ARHGEF1: variants seen among roughly 807,000 people sequenced by gnomAD.
The protein encoded by ARHGEF1 is 115 kDa guanine nucleotide exchange factor.
A neutral mutation model predicts 119.7 loss-of-function variants in ARHGEF1; 40 were observed. That is an observed-to-expected ratio of 0.33 (90% CI 0.26 to 0.44). The LOEUF (loss-of-function observed/expected upper bound fraction) is 0.44, where lower values mean the gene tolerates loss of function less well. Among genes scored for constraint, ARHGEF1 ranks in the 20% least tolerant of loss-of-function variants. The pLI, the probability that ARHGEF1 is intolerant of heterozygous loss-of-function variation, is 1.00. For synonymous variants in ARHGEF1, 494 were observed against 521.0 expected (o/e 0.95, Z 0.71); for missense variants, 976 against 1,268.3 (o/e 0.77, Z 3.50).
intron 1 of ARHGEF1, among the ~76,000 whole-genome samples, chr19:41,887,112 T>C (rs2074305041): frequency 6.6e-6 from 1 of 151,346 alleles, no homozygotes; most frequent in African/African-American, 2.4e-5. Context: ...AAACCAGATG[T>C]GGGAGGACAG....
At chr19:41,894,852 G>A (rs1190641493) in intron 11 of ARHGEF1, among the ~76,000 whole-genome samples, 191 bp downstream of exon 11, 1 of 145,128 alleles carries the variant, frequency 6.9e-6, no homozygotes, top group Non-Finnish European at 1.5e-5. Flanking sequence ...GAGGGAGGAA[G>A]GGCTGGGCCT....
At position 41,906,687 on chromosome 19, in the gene ARHGEF1, A is replaced by G. The variant is rs1555850303; in HGVS notation, c.2656-16A>G. On this transcript the variant is annotated splice_polypyrimidine_tract_variant and intron_variant, in intron 27 of 28. Coordinates refer to ENST00000354532, the MANE Select transcript of ARHGEF1 (RefSeq NM_004706.4). This position sits in a 1 kb window ranked among gnomAD's most constrained non-coding sequence, Gnocchi z 4.5. Reference sequence around the variant, plus strand: ...AAGGAAGGGGCCCCCCTCATCCATGACCCCCACCCCACCAGGAGTTGGAGG... The same window carrying G: ...AAGGAAGGGGCCCCCCTCATCCATGGCCCCCACCCCACCAGGAGTTGGAGG... The G allele has an allele frequency of 1.2e-6, 2 of 1,601,094 alleles. No homozygotes were observed. Among genetic ancestry groups the G allele is most frequent in the South Asian group, 2.2e-5 (2 of 89,866 alleles).
chr19:41,921,304 G>A (rs2074841029), upstream of ARHGEF1, among the ~76,000 whole-genome samples: 1 of 152,186 alleles, frequency 6.6e-6, no homozygotes, highest in African/African-American at 2.4e-5. This position sits in a 1 kb window ranked among gnomAD's most constrained non-coding sequence, Gnocchi z 4.4. Flanking sequence ...GACCGAGGGG[G>A]TGGAGCGTGA....
upstream of ARHGEF1, among the ~76,000 whole-genome samples, chr19:41,918,818 C>T (rs1373690719): frequency 6.7e-6 from 1 of 150,088 alleles, no homozygotes; most frequent in East Asian, 2.0e-4. Flanking sequence ...CACCACATCA[C>T]TCTCACATAC....
rs2074647742 is a variant in ARHGEF1 at position 41,903,952 on chromosome 19, G to A, written c.1918-83G>A. The A allele has an allele frequency of 6.9e-7, 1 of 1,452,028 alleles. No homozygotes were observed. The highest frequency in any genetic ancestry group is 1.4e-5 in the African/African-American group (1 of 71,696). 89.9% of individuals were successfully genotyped at this position (1,452,028 alleles called of 1,614,324 possible). Reference sequence around the variant, plus strand: ...GATCCCCAGCCTGTGGTCATCCCCGGCCACTGCCCTGCCCTTCCCCTCCCC... The same window carrying A: ...GATCCCCAGCCTGTGGTCATCCCCGACCACTGCCCTGCCCTTCCCCTCCCC... On this transcript the variant is annotated intron_variant, in intron 20 of 28. Coordinates refer to ENST00000354532, the MANE Select transcript of ARHGEF1 (RefSeq NM_004706.4). This position sits in a 1 kb window ranked among gnomAD's most constrained non-coding sequence, Gnocchi z 4.2.
chr19:41,906,349 C>A lies in ARHGEF1; in HGVS notation c.2492-108C>A. ...ACCCCATCTGCTCAGCCTTGCCTGGCACCCACCTTCACCTCCAGCCCCTAC... is the reference window on the plus strand; with the variant it reads ...ACCCCATCTGCTCAGCCTTGCCTGGAACCCACCTTCACCTCCAGCCCCTAC... On this transcript the variant is annotated intron_variant, in intron 26 of 28. Transcript: ENST00000354532. The surrounding 1 kb of genome is among the most constrained non-coding windows in gnomAD (Gnocchi z 4.5). 3.4e-6 allele frequency: 4 copies of A among 1,163,924 alleles called. No homozygotes were observed. The highest frequency in any genetic ancestry group is 3.2e-5 in the South Asian group (2 of 62,026). 72.1% of individuals were successfully genotyped at this position (1,163,924 alleles called of 1,614,324 possible).
In ARHGEF1 at chr19:41,902,220, C is replaced by G. The variant is rs1267251988; in HGVS notation, c.1415-54C>G. ...ACCCCCACCACACCGCAGCAGGCCCCGCACAGCATCTTCCAGACCCTGGTG... is the reference window on the plus strand; with the variant it reads ...ACCCCCACCACACCGCAGCAGGCCCGGCACAGCATCTTCCAGACCCTGGTG... On this transcript the variant is annotated intron_variant, in intron 15 of 28. Coordinates refer to ENST00000354532, the MANE Select transcript of ARHGEF1 (RefSeq NM_004706.4). This position sits in a 1 kb window ranked among gnomAD's most constrained non-coding sequence, Gnocchi z 6.5. 55 of 1,607,006 alleles carry G rather than the reference C, an allele frequency of 3.4e-5. No homozygotes were observed. In the Admixed American group the frequency reaches 9.0e-4, roughly 26 times the overall value.
upstream of ARHGEF1, among the ~76,000 whole-genome samples, chr19:41,919,349 C>T (rs558995586): frequency 2.8e-4 from 43 of 152,298 alleles, no homozygotes; most frequent in Non-Finnish European, 5.1e-4. Flanking sequence ...AACAGCCACA[C>T]ATAAACATGC....
chr19:41,887,895 C>A (rs1034122802), intron 1 of ARHGEF1, among the ~76,000 whole-genome samples, 169 bp from the exon 2 acceptor site: 1 of 152,252 alleles, frequency 6.6e-6, no homozygotes, highest in Non-Finnish European at 1.5e-5. Context: ...CGCCCCCTGG[C>A]GGGTCTCTGA....
Position 41,902,582 on chromosome 19 carries a change from G to A in ARHGEF1, c.1547G>A (p.Cys516Tyr). Reference sequence around the variant, plus strand: ...TTCCAGAAAATCTCCTCCCGCTTCTGCAGCCGCCAGTCATTTGCCTTAGAG... The same window carrying A: ...TTCCAGAAAATCTCCTCCCGCTTCTACAGCCGCCAGTCATTTGCCTTAGAG... ...SWFQKISSRFCSRQSFALEQL... is the reference protein window; with the variant it reads ...SWFQKISSRFYSRQSFALEQL... Residue 516 changes from cysteine to tyrosine, a missense_variant, in exon 17 of 29, where the codon TGC (cysteine) becomes TAC (tyrosine). Cys to Tyr is a radical substitution (Grantham distance 194, BLOSUM62 -2). Around this residue, in one of 3 missense-constraint regions of ARHGEF1, gnomAD observed 286 missense variants for 506.8 expected, o/e 0.56. Transcript: ENST00000354532. The surrounding 1 kb of genome is among the most constrained non-coding windows in gnomAD (Gnocchi z 6.5). 1 of 1,614,212 alleles carries A rather than the reference G, an allele frequency of 6.2e-7. No homozygotes were observed. Among genetic ancestry groups the A allele is most frequent in the South Asian group, 1.1e-5 (1 of 91,084 alleles).
intron 13 of ARHGEF1, chr19:41,897,146 C>T (rs782202957): frequency 4.2e-5 from 20 of 480,920 alleles, no homozygotes; most frequent in South Asian, 2.7e-4. Flanking sequence ...CTCAACCCCC[C>T]ACCCCTCTGC....
Position 41,905,253 on chromosome 19 carries a change from C to A in ARHGEF1, c.2328C>A (p.Ser776Arg). ...CCTCTCGCCCTAAGCCCCGGCCCAG[C>A]CCGAGCAGGTGAGGGGGGCCATGGA... ...APASRPKPRP[S>R]PSSTREPLLS... Residue 776 changes from serine to arginine, a missense_variant, in exon 24 of 29, where the codon AGC becomes AGA. This residue lies in a region of ARHGEF1 where 171 missense variants were observed against 180.6 expected (regional missense o/e 0.95). Transcript: ENST00000354532. The surrounding 1 kb of genome is among the most constrained non-coding windows in gnomAD (Gnocchi z 6.4). 6.2e-7 allele frequency: 1 copy of A among 1,613,044 alleles called. No individual in the cohort carries two copies. The highest frequency in any genetic ancestry group is 2.2e-5 in the East Asian group (1 of 44,846).
rs2074811737 is a variant in ARHGEF1, at chr19:41,917,917, TCA to T, written c.1866-5169_1866-5168del. ...GGTGCACGAAGCCAGCTCCCCGCGG[TCA>T]CACACTGTGTGTGTGTGTGCTCACA... On this transcript the variant is annotated intron_variant, in intron 18 of 20. Coordinates refer to the ARHGEF1 transcript ENST00000599589. The surrounding 1 kb of genome is among the most constrained non-coding windows in gnomAD (Gnocchi z 4.8). Among the ~76,000 whole-genome samples, 1 of 151,762 alleles carries T rather than the reference TCA, an allele frequency of 6.6e-6. No homozygotes were observed. The highest frequency in any genetic ancestry group is 2.1e-4 in the South Asian group (1 of 4,808).
In ARHGEF1 at chr19:41,904,188, C is replaced by T. The variant is rs375612479; in HGVS notation, c.1994-28C>T. 41 of 1,612,426 alleles carry T rather than the reference C, an allele frequency of 2.5e-5. No homozygotes were observed. The highest frequency in any genetic ancestry group is 3.3e-5 in the Admixed American group (2 of 59,944). On this transcript the variant is annotated intron_variant, in intron 21 of 28. Coordinates refer to ENST00000354532, the MANE Select transcript of ARHGEF1 (RefSeq NM_004706.4). The surrounding 1 kb of genome is among the most constrained non-coding windows in gnomAD (Gnocchi z 8.4). ...GCGGGGAGGGGGTCGCGCGGGGGCA[C>T]GCCGTGTGAGCACTGCTCGCCCCGT...
At chr19:41,909,290 G>A, downstream of ARHGEF1, 1 of 1,233,588 alleles carries the variant, frequency 8.1e-7, no homozygotes, top group Non-Finnish European at 1.0e-6. This position sits in a 1 kb window ranked among gnomAD's most constrained non-coding sequence, Gnocchi z 5.2. Flanking sequence ...GGGGTGAGGG[G>A]AGGAGCATCT....
chr19:41,921,165 G>A (rs931311656), upstream of ARHGEF1, among the ~76,000 whole-genome samples: 2 of 152,192 alleles, frequency 1.3e-5, no homozygotes, highest in Non-Finnish European at 2.9e-5. The surrounding 1 kb of genome is among the most constrained non-coding windows in gnomAD (Gnocchi z 4.4). Context: ...GAGGCGAGGC[G>A]GAGGGAGGTC....
chr19:41,915,205 G>A lies in ARHGEF1; in HGVS notation c.1866-7887G>A, dbSNP rs1160709128. Among the ~76,000 whole-genome samples the A allele has an allele frequency of 4.6e-5, 5 of 108,624 alleles. No individual in the cohort carries two copies. In the East Asian group the frequency reaches 9.3e-4, roughly 20 times the overall value. 71.3% of individuals were successfully genotyped at this position (108,624 alleles called of 152,430 possible). A position where few individuals can be genotyped will look rare whatever the true frequency, so the allele number is the denominator to read the frequency against. ...CTCTTCCCGACGCTTTCAACTCCCC[G>A]CCGCCTCCTCCGGACACGTTATAAC... On this transcript the variant is annotated intron_variant, in intron 18 of 20. Transcript: ENST00000599589.
chr19:41,910,573 G>C (rs2074746203), downstream of ARHGEF1, among the ~76,000 whole-genome samples: 1 of 152,024 alleles, frequency 6.6e-6, no homozygotes, highest in Admixed American at 6.6e-5. This position sits in a 1 kb window ranked among gnomAD's most constrained non-coding sequence, Gnocchi z 4.4. Context: ...ACATTCCCCA[G>C]AGCCCCCCAC....
chr19:41,902,132 A>G lies in ARHGEF1; in HGVS notation c.1414+99A>G. ...CCTGCTCGGGAACCCCAGGGTTCAC[A>G]TGGGGTGGGGGCAGATACGCCATCC... On this transcript the variant is annotated intron_variant, in intron 15 of 28. Coordinates refer to ENST00000354532, the MANE Select transcript of ARHGEF1 (RefSeq NM_004706.4). This position sits in a 1 kb window ranked among gnomAD's most constrained non-coding sequence, Gnocchi z 6.5. 4 of 1,564,008 alleles carry G rather than the reference A, an allele frequency of 2.6e-6. No homozygotes were observed. The South Asian group carries it at 3.5e-5, about 14-fold the overall frequency.
Sources: gnomAD v4.1 joint callset for allele counts (sites outside exome capture counted in the v4.1 genomes callset) on GRCh38, gnomAD v4.1.1 for gene constraint, gnomAD v4.1.1 regional missense constraint, Gnocchi (gnomAD v3.1) non-coding constraint, MANE v1.5 for transcripts, NCBI Gene and HGNC (gene_info 2026-07-23, HGNC 2026-07-21) for gene names.